The following PDK1 variants were observed in gnomAD, a reference collection of about 807,000 sequenced individuals.
The protein encoded by PDK1 is [Pyruvate dehydrogenase (acetyl-transferring)] kinase isozyme 1, mitochondrial.
Under a neutral mutation model 54.2 loss-of-function variants are expected in PDK1, and 39 were observed. The ratio of observed to expected loss-of-function variants is 0.72; its 90% CI spans 0.56 to 0.94. The LOEUF (loss-of-function observed/expected upper bound fraction) is 0.94. Ranked by LOEUF, PDK1 falls within the 40% of genes least tolerant of loss-of-function variation. PDK1 has a pLI of 0.00. For missense variants in PDK1, 552 were observed against 566.0 expected, an observed-to-expected ratio of 0.98 and a Z score of 0.25; for synonymous variants, 221 against 207.1, an observed-to-expected ratio of 1.07 and a Z score of -0.58.
chr2:172,713,684 T>A, the PDK1 span, among the ~76,000 whole-genome samples: 1 of 152,224 alleles, frequency 6.6e-6, no homozygotes, highest in Non-Finnish European at 1.5e-5. Context: ...GGCACTTCTG[T>A]GCCTGTGCGG....
Position 172,598,956 on chromosome 2 carries a change from T to G in PDK1, c.*2987T>G, listed in dbSNP as rs976055562. On this transcript the variant is annotated 3_prime_UTR_variant, in exon 11 of 11. Coordinates refer to ENST00000282077, the MANE Select transcript of PDK1 (RefSeq NM_002610.5). ...ACTATCTTCAGTAGAGAGGAACTGT[T>G]TGGAACTTAGATTTCCAATGTGTAT... The G allele has an allele frequency of 6.6e-6, 1 of 152,140 alleles. No homozygotes were observed. Among genetic ancestry groups the G allele is most frequent in the Non-Finnish European group, 1.5e-5 (1 of 68,014 alleles). The allele number at this position is 152,140 out of a possible 1,614,324, so 9.4% of individuals were successfully genotyped here.
chr2:172,637,806 G>A, the PDK1 span, among the ~76,000 whole-genome samples: 6 of 152,022 alleles, frequency 3.9e-5, no homozygotes, highest in Admixed American at 6.6e-5. Context: ...AGCAATTCTC[G>A]TGCCTCAGCC....
chr2:172,615,696 A>G, the PDK1 span, among the ~76,000 whole-genome samples: 1 of 152,216 alleles, frequency 6.6e-6, no homozygotes, highest in Non-Finnish European at 1.5e-5. Context: ...ATGCAAAATC[A>G]TCTTTACAAT....
intron 8 of PDK1, among the ~76,000 whole-genome samples, chr2:172,573,725 T>G (rs1260734726): frequency 1.3e-5 from 2 of 151,990 alleles, no homozygotes; most frequent in South Asian, 2.1e-4. Flanking sequence ...GCAAGTATAT[T>G]CTCCCATTCC....
At chr2:172,675,614 T>C in the PDK1 span, among the ~76,000 whole-genome samples, 10,582 of 152,186 alleles carry the variant, frequency 0.07, 512 homozygotes, top group Middle Eastern at 0.16. Context: ...AGCAGAAAAG[T>C]TTGAAGCTAC....
At position 172,598,564 on chromosome 2, in the gene PDK1, G is replaced by T. The variant is rs1691002107; in HGVS notation, c.*2595G>T. The T allele has an allele frequency of 1.3e-5, 2 of 152,152 alleles. No individual in the cohort carries two copies. 9.4% of individuals were successfully genotyped at this position (152,152 alleles called of 1,614,324 possible). On this transcript the variant is annotated 3_prime_UTR_variant, in exon 11 of 11. Coordinates refer to ENST00000282077, the MANE Select transcript of PDK1 (RefSeq NM_002610.5). ...AGGAAGTGGACACGAAGTGATTTTT[G>T]TAACCTGAGCAGTTAATGAATGTGC...
the PDK1 span, among the ~76,000 whole-genome samples, chr2:172,665,876 C>A: frequency 1.3e-5 from 2 of 152,138 alleles, no homozygotes; most frequent in Non-Finnish European, 2.9e-5. Flanking sequence ...TTGCCCTATT[C>A]CTTCCCTCAT....
At chr2:172,708,760 A>T in the PDK1 span, among the ~76,000 whole-genome samples, 1 of 152,230 alleles carries the variant, frequency 6.6e-6, no homozygotes, top group African/African-American at 2.4e-5. Context: ...TTTATGTTTC[A>T]TATTCACCTT....
chr2:172,686,599 GCAACCTGCTTGGGC>G, the PDK1 span, among the ~76,000 whole-genome samples: 2 of 152,224 alleles, frequency 1.3e-5, no homozygotes, highest in African/African-American at 4.8e-5. Context: ...GCCTGCAGCA[GCAACCTGCTTGGGC>G]CACTTTTTAC....
chr2:172,672,716 A>C, the PDK1 span, among the ~76,000 whole-genome samples: 1 of 152,166 alleles, frequency 6.6e-6, no homozygotes, highest in Non-Finnish European at 1.5e-5. Flanking sequence ...TATTAAGTTT[A>C]CAAAGGAATA....
At chr2:172,633,381 CTTTTTTTTTTTTTT>C in the PDK1 span, among the ~76,000 whole-genome samples, 2 of 103,998 alleles carry the variant, frequency 1.9e-5, no homozygotes, top group African/African-American at 7.4e-5. Flanking sequence ...GATTTTCTTT[CTTTTTTTTTTTTTT>C]TTTTTTTTTG....
chr2:172,649,083 A>T, the PDK1 span, among the ~76,000 whole-genome samples: 1 of 152,238 alleles, frequency 6.6e-6, no homozygotes, highest in Admixed American at 6.5e-5. Context: ...GACACCTCCC[A>T]GTAGGGGCTG....
the PDK1 span, among the ~76,000 whole-genome samples, chr2:172,622,817 TTA>T: frequency 6.8e-6 from 1 of 147,940 alleles, no homozygotes; most frequent in African/African-American, 2.5e-5. Flanking sequence ...ATGTATATGT[TTA>T]TATATTATAT....
At chr2:172,679,793 G>C in the PDK1 span, among the ~76,000 whole-genome samples, 3,313 of 152,222 alleles carry the variant, frequency 0.022, 118 homozygotes, top group African/African-American at 0.076. Context: ...AGAAAGAAAA[G>C]AAGGTAATAA....
chr2:172,562,379 G>A lies in PDK1; in HGVS notation c.410+88G>A, dbSNP rs990818328. 4 of 816,990 alleles carry A rather than the reference G, an allele frequency of 4.9e-6. No individual in the cohort carries two copies. In the African/African-American group the frequency reaches 6.8e-5, roughly 14 times the overall value. 50.6% of individuals were successfully genotyped at this position (816,990 alleles called of 1,614,324 possible). On this transcript the variant is annotated intron_variant, in intron 3 of 10. Transcript: ENST00000282077. ...TAACTTTTAGGTTTCTACTACTTTA[G>A]AACATGTGATATATGTGACTGTAGC...
rs1690901287 is a variant in PDK1, at chr2:172,596,492, T to G, written c.*523T>G. 1 of 152,708 alleles carries G rather than the reference T, an allele frequency of 6.5e-6. No homozygotes were observed. The highest frequency in any genetic ancestry group is 2.4e-5 in the African/African-American group (1 of 41,452). 9.5% of individuals were successfully genotyped at this position (152,708 alleles called of 1,614,324 possible). On this transcript the variant is annotated 3_prime_UTR_variant, in exon 11 of 11. Transcript: ENST00000282077. ...CTGTAATCACAGAACCAGCCACCCT[T>G]CGGCGTCTACATGCATTGTCTTAGC...
chr2:172,662,492 T>TAGTGTGTGTGTGTGTGTGTGTGTGTG, the PDK1 span, among the ~76,000 whole-genome samples: 1 of 12,140 alleles, frequency 8.2e-5, no homozygotes, highest in Non-Finnish European at 2.2e-4. Context: ...CTTTTTAAAA[T>TAGTGTGTGTGTGTGTGTGTGTGTGTG]CGTGTGTGTG....
At chr2:172,618,809 C>G in the PDK1 span, among the ~76,000 whole-genome samples, 5 of 152,158 alleles carry the variant, frequency 3.3e-5, no homozygotes, top group African/African-American at 1.2e-4. Context: ...GAGGTCCCAG[C>G]TGATCCTTCT....
intron 2 of PDK1, among the ~76,000 whole-genome samples, chr2:172,561,247 G>A (rs1688640236): frequency 6.6e-6 from 1 of 152,154 alleles, no homozygotes; most frequent in South Asian, 2.1e-4. Context: ...CCTGTTGTAG[G>A]TACTCAAATA....
Sources: allele counts gnomAD v4.1 joint callset (sites outside exome capture counted in the v4.1 genomes callset), GRCh38; gene constraint gnomAD v4.1.1; transcripts MANE v1.5; gene names NCBI Gene and HGNC (gene_info 2026-07-23, HGNC 2026-07-21).